Variants in SAMD4A observed in about 807,000 individuals in gnomAD.
SAMD4A encodes sterile alpha motif domain containing 4A.
In SAMD4A, 33 loss-of-function variants were observed where a neutral mutation model predicts 81.3. The observed-to-expected ratio is 0.41, with a 90% CI of 0.31 to 0.54. The LOEUF is 0.54. SAMD4A is among the 20% of genes least tolerant of loss of function. The pLI, the probability that SAMD4A is intolerant of heterozygous loss-of-function variation, is 0.37. For synonymous variants in SAMD4A, 389 were observed against 382.1 expected, an observed-to-expected ratio of 1.02 and a Z score of -0.21; for missense variants, 854 against 951.1, an observed-to-expected ratio of 0.90 and a Z score of 1.34.
chr14:54,753,726 G>T (rs914908547), intron 6 of SAMD4A, among the ~76,000 whole-genome samples: 1 of 151,444 alleles, frequency 6.6e-6, no homozygotes, highest in Non-Finnish European at 1.5e-5. Context: ...TAAACCTCTG[G>T]CCAGATAGAC....
chr14:54,763,316 G>T (rs1470992876), intron 7 of SAMD4A, among the ~76,000 whole-genome samples: 1 of 151,826 alleles, frequency 6.6e-6, no homozygotes, highest in African/African-American at 2.4e-5. Context: ...TTCAAGACCA[G>T]CCTCGGCAAC....
intron 4 of SAMD4A, among the ~76,000 whole-genome samples, chr14:54,741,993 C>T (rs534063504): frequency 6.6e-6 from 1 of 152,112 alleles, no homozygotes; most frequent in African/African-American, 2.4e-5. Flanking sequence ...AGCAGAATGA[C>T]CTGCTTAGGT....
intron 2 of SAMD4A, among the ~76,000 whole-genome samples, chr14:54,672,039 T>C (rs908342019): frequency 1.0e-4 from 12 of 114,898 alleles, no homozygotes; most frequent in African/African-American, 3.3e-4. Flanking sequence ...TTTTTTTTTT[T>C]CTTCAGGGTA....
Position 54,739,055 on chromosome 14 carries a change from C to CTTTTTTTTTTTTTTTTTTTTTTTTTT in SAMD4A, c.979+1787_979+1788insTTTTTTTTTTTTTTTTTTTTTTTTTT, listed in dbSNP as rs3051648. ...TACTTTGTTTTCTTTCTTTCCTTTT[C>CTTTTTTTTTTTTTTTTTTTTTTTTTT]TTTTTTTTTTTTTTTTTTTGAGGCC... On this transcript the variant is annotated intron_variant, in intron 4 of 12. Transcript: ENST00000554335. Among the ~76,000 whole-genome samples the CTTTTTTTTTTTTTTTTTTTTTTTTTT allele has an allele frequency of 3.8e-4, 37 of 97,348 alleles. 3 individuals carry two copies. Among genetic ancestry groups the CTTTTTTTTTTTTTTTTTTTTTTTTTT allele is most frequent in the African/African-American group, 1.5e-3 (32 of 20,656 alleles). The allele number at this position is 97,348 out of a possible 152,430, so 63.9% of individuals were successfully genotyped here.
intron 2 of SAMD4A, among the ~76,000 whole-genome samples, chr14:54,581,622 A>G (rs368803619): frequency 6.6e-6 from 1 of 152,258 alleles, no homozygotes; most frequent in African/African-American, 2.4e-5. Context: ...AAAGCCACAT[A>G]AAGTGTTGTA....
intron 2 of SAMD4A, among the ~76,000 whole-genome samples, chr14:54,603,674 T>C (rs769081077): frequency 1.8e-4 from 28 of 152,200 alleles, no homozygotes; most frequent in Non-Finnish European, 3.7e-4. Flanking sequence ...TCAAGACTGC[T>C]GTACATGAGT....
intron 7 of SAMD4A, among the ~76,000 whole-genome samples, chr14:54,760,906 G>C (rs1420968401): frequency 6.6e-6 from 1 of 152,142 alleles, no homozygotes; most frequent in East Asian, 1.9e-4. Context: ...CAAACTGAAG[G>C]GGCACAGACG....
Position 54,702,380 on chromosome 14 carries a change from G to T in SAMD4A, c.515G>T (p.Gly172Val). Residue 172 changes from glycine (G) to valine (V), a missense_variant, in exon 3 of 13, where the codon GGA becomes GTA. By Grantham distance (109) the Gly-to-Val change is moderately radical (BLOSUM62 -3). Transcript: ENST00000554335. ...NRGRSDSVDY[G>V]QTHYYHQRQN... The stretch of plus-strand genomic sequence containing the variant: ...GGCCGCTCAGACTCTGTGGATTATG[G>T]ACAGACACACTACTATCACCAAAGA... 6.2e-7 allele frequency: 1 copy of T among 1,614,148 alleles called. No homozygotes were observed. The highest frequency in any genetic ancestry group is 1.6e-4 in the Middle Eastern group (1 of 6,062).
intron 2 of SAMD4A, among the ~76,000 whole-genome samples, chr14:54,620,048 A>G (rs996660611): frequency 2.6e-5 from 4 of 152,058 alleles, no homozygotes; most frequent in African/African-American, 9.7e-5. Context: ...CAGTCATCCA[A>G]CTAAAACTGA....
chr14:54,670,971 C>CGATATTCGAT (rs557439274), intron 2 of SAMD4A, among the ~76,000 whole-genome samples: 34 of 152,154 alleles, frequency 2.2e-4, no homozygotes, highest in Non-Finnish European at 4.0e-4. Context: ...TTTTCCCCTC[C>CGATATTCGAT]TTCCACCGAT....
At chr14:54,605,280 C>A (rs922311620) in intron 2 of SAMD4A, among the ~76,000 whole-genome samples, 4 of 151,638 alleles carry the variant, frequency 2.6e-5, no homozygotes, top group South Asian at 2.1e-4. Flanking sequence ...AAAAAAAAAA[C>A]CCAGCAGAGC....
At chr14:54,571,032 TA>T (rs33978860) in intron 2 of SAMD4A, among the ~76,000 whole-genome samples, 108,417 of 151,998 alleles carry the variant, frequency 0.71, 40,328 homozygotes, top group Non-Finnish European at 0.83. Context: ...CTCAGTATAA[TA>T]AAAAAAAATT....
At chr14:54,699,234 CTGAAGA>C (rs1449433949) in intron 2 of SAMD4A, among the ~76,000 whole-genome samples, 3 of 152,124 alleles carry the variant, frequency 2.0e-5, no homozygotes, top group Non-Finnish European at 4.4e-5. Flanking sequence ...CTGGTATTTG[CTGAAGA>C]TGAATTGAGG....
chr14:54,668,009 G>A (rs1189941951), intron 2 of SAMD4A, among the ~76,000 whole-genome samples: 2 of 152,104 alleles, frequency 1.3e-5, no homozygotes, highest in African/African-American at 4.8e-5. Flanking sequence ...CGGCCCTCCC[G>A]CAGGCTGCCA....
chr14:54,568,831 T>G (rs1300857777), intron 2 of SAMD4A, among the ~76,000 whole-genome samples: 1 of 149,776 alleles, frequency 6.7e-6, no homozygotes, highest in Non-Finnish European at 1.5e-5. Flanking sequence ...AGGCATGAAG[T>G]GGGTTACTTA....
chr14:54,581,416 A>G (rs1027346690), intron 2 of SAMD4A, among the ~76,000 whole-genome samples: 8 of 152,246 alleles, frequency 5.3e-5, no homozygotes, highest in African/African-American at 1.7e-4. Context: ...CTGGGCCTGA[A>G]CTAAGGCTTG....
chr14:54,788,845 G>T lies in SAMD4A; in HGVS notation c.2129-71G>T, dbSNP rs78136539. The T allele has an allele frequency of 2.0e-4, 327 of 1,597,392 alleles. 2 individuals carry two copies. In the African/African-American group the frequency reaches 3.8e-3, roughly 18 times the overall value. ...GGCTGGGAGGCCCACCGTGCATGGC[G>T]TTGGCATAGGTGGGCACGAACTGGA... is the stretch of plus-strand genomic sequence containing the variant. On this transcript the variant is annotated intron_variant, in intron 12 of 12. Transcript: ENST00000554335.
intron 2 of SAMD4A, among the ~76,000 whole-genome samples, chr14:54,602,635 C>A (rs191598929): frequency 3.4e-5 from 5 of 147,454 alleles, no homozygotes; most frequent in African/African-American, 1.2e-4. Context: ...CATCACACAC[C>A]GGGGCCTGTT....
chr14:54,672,753 CTATG>C (rs1326744847), intron 2 of SAMD4A, among the ~76,000 whole-genome samples: 1 of 152,120 alleles, frequency 6.6e-6, no homozygotes, highest in African/African-American at 2.4e-5. Flanking sequence ...GTAAATAAGT[CTATG>C]TATGTACTAA....
Sources: gnomAD v4.1 joint callset for allele counts (sites outside exome capture counted in the v4.1 genomes callset) on GRCh38, gnomAD v4.1.1 for gene constraint, MANE v1.5 for transcripts, NCBI Gene and HGNC (gene_info 2026-07-23, HGNC 2026-07-21) for gene names.